The following BTBD8 variants were observed in gnomAD, a reference collection of about 807,000 sequenced individuals.
The protein encoded by BTBD8 is BTB/POZ domain-containing protein 8.
BTBD8 carries 110 observed loss-of-function variants against 162.9 expected under a neutral mutation model. The ratio of observed to expected loss-of-function variants is 0.68; its 90% CI spans 0.58 to 0.79. The LOEUF (loss-of-function observed/expected upper bound fraction) is 0.79. Ranked by LOEUF, BTBD8 falls within the 30% of genes least tolerant of loss-of-function variation. BTBD8 has a pLI of 0.00. For synonymous variants in BTBD8, 667 were observed against 716.1 expected, an observed-to-expected ratio of 0.93 and a Z score of 1.10; for missense variants, 1,905 against 2,085.4, an observed-to-expected ratio of 0.91 and a Z score of 1.68.
In BTBD8 at chr1:92,088,807, A is replaced by G. The variant is rs747794078; in HGVS notation, c.259A>G (p.Thr87Ala). The part of the protein sequence containing the change: ...LARVPDFYFH[T>A]IGQTSNSLTN... ...AAGAGTTCCTGACTTCTATTTTCAT[A>G]CTATTGGACAGACATCAAATAGTTT... is the stretch of plus-strand genomic sequence containing the variant. Residue 87 changes from threonine (T) to alanine (A), a missense_variant, in exon 2 of 18, where the codon ACT becomes GCT. Around this residue, in one of 3 missense-constraint regions of BTBD8, gnomAD observed 1,374 missense variants for 1,442.7 expected, o/e 0.95. Transcript: ENST00000636805. 38 of 1,613,270 alleles carry G rather than the reference A, an allele frequency of 2.4e-5. No homozygotes were observed. The South Asian group carries it at 4.0e-4, about 17-fold the overall frequency.
At chr1:92,123,992 G>A (rs539848400) in intron 4 of BTBD8, among the ~76,000 whole-genome samples, 4 of 152,018 alleles carry the variant, frequency 2.6e-5, no homozygotes, top group East Asian at 3.9e-4. Context: ...GAATGTGGCC[G>A]TTCGGGATCC....
At chr1:92,136,130 A>C (rs1416512262) in intron 5 of BTBD8, among the ~76,000 whole-genome samples, 1 of 152,180 alleles carries the variant, frequency 6.6e-6, no homozygotes, top group Non-Finnish European at 1.5e-5. Context: ...GGATCAGTAA[A>C]TATTTATTTA....
chr1:92,175,477 C>CAAAAAAAAAA lies in BTBD8; in HGVS notation c.1636-1339_1636-1330dup, dbSNP rs71091265. 7.2e-4 allele frequency among the ~76,000 whole-genome samples: 27 copies of CAAAAAAAAAA among 37,444 alleles called. 1 individual carries two copies. The highest frequency in any genetic ancestry group is 2.4e-3 in the East Asian group (2 of 818). The allele number at this position is 37,444 out of a possible 152,430, so 24.6% of individuals were successfully genotyped here. On this transcript the variant is annotated intron_variant, in intron 13 of 17. Transcript: ENST00000636805. ...CTGGCAACAGAGCAAGACTCCATCT[C>CAAAAAAAAAA]AAAAAAAAAAAAAAAAAAAAAAGAA...
At chr1:92,173,613 A>C (rs1170346120) in intron 13 of BTBD8, among the ~76,000 whole-genome samples, 2 of 152,152 alleles carry the variant, frequency 1.3e-5, no homozygotes, top group Non-Finnish European at 2.9e-5. Context: ...TTTTCTGTTA[A>C]GAACAATGGG....
chr1:92,148,907 C>T (rs1649985380), intron 9 of BTBD8, among the ~76,000 whole-genome samples: 1 of 152,144 alleles, frequency 6.6e-6, no homozygotes, highest in Admixed American at 6.5e-5. Context: ...ATGTAGAGAC[C>T]ATCTGGAATG....
Position 92,107,984 on chromosome 1 carries a change from A to G in BTBD8, c.645A>G (p.Lys215=). The G allele has an allele frequency of 6.2e-7, 1 of 1,613,516 alleles. No individual in the cohort carries two copies. Among genetic ancestry groups the G allele is most frequent in the Non-Finnish European group, 8.5e-7 (1 of 1,179,528 alleles). ...ATATTGATATTTTTGTTGATGGAAA[A>G]CGTTTTAAAGCTCACAGGTAAATAG... ...CPDIDIFVDG[K]RFKAHRAILS... is the part of the protein sequence containing the mutation. The change falls in exon 4 of 18, where the codon AAA becomes AAG. Residue 215 remains lysine (K), a synonymous_variant. Coordinates refer to ENST00000636805, the MANE Select transcript of BTBD8 (RefSeq NM_001376131.1).
intron 2 of BTBD8, among the ~76,000 whole-genome samples, chr1:92,090,641 G>GT: frequency 6.6e-6 from 1 of 152,132 alleles, no homozygotes; most frequent in South Asian, 2.1e-4. Context: ...AAATTCTTAT[G>GT]TAGTCAGGCC....
chr1:92,129,368 T>C, intron 4 of BTBD8, among the ~76,000 whole-genome samples: 1 of 152,032 alleles, frequency 6.6e-6, no homozygotes, highest in Non-Finnish European at 1.5e-5. Context: ...CCTGTAGTGT[T>C]AGCTTCTTGG....
intron 9 of BTBD8, chr1:92,150,847 G>T (rs892499913): frequency 2.6e-5 from 4 of 152,154 alleles, no homozygotes; most frequent in African/African-American, 9.7e-5. Context: ...ACAATGGCCT[G>T]GCCAGGAATC....
chr1:92,125,938 T>C (rs1649342041), intron 4 of BTBD8: 1 of 445,590 alleles, frequency 2.2e-6, no homozygotes, highest in African/African-American at 2.0e-5. Context: ...GAATTTGTTT[T>C]GATTTATGGA....
At chr1:92,083,059 C>A (rs191910556) in intron 1 of BTBD8, among the ~76,000 whole-genome samples, 1 of 150,912 alleles carries the variant, frequency 6.6e-6, no homozygotes, top group Non-Finnish European at 1.5e-5. Flanking sequence ...TTGTTTGAAC[C>A]GGGGAGGTGG....
intron 2 of BTBD8, among the ~76,000 whole-genome samples, chr1:92,092,770 G>T (rs1054724949): frequency 1.3e-5 from 2 of 152,130 alleles, no homozygotes; most frequent in Non-Finnish European, 2.9e-5. Context: ...ATGTCCTTAT[G>T]TATCTTTTAT....
chr1:92,128,456 T>C (rs1034876289), intron 4 of BTBD8, among the ~76,000 whole-genome samples: 6 of 152,158 alleles, frequency 3.9e-5, no homozygotes, highest in Admixed American at 6.5e-5. Flanking sequence ...TTTTTTGTGT[T>C]TTTGGTAGAG....
chr1:92,090,699 G>T (rs547132883), intron 2 of BTBD8, among the ~76,000 whole-genome samples: 2 of 152,316 alleles, frequency 1.3e-5, no homozygotes, highest in South Asian at 4.1e-4. Flanking sequence ...GGAGGCCGAG[G>T]TGGGCAGATC....
intron 2 of BTBD8, among the ~76,000 whole-genome samples, chr1:92,094,715 G>A (rs1246832853): frequency 6.6e-6 from 1 of 152,118 alleles, no homozygotes; most frequent in Non-Finnish European, 1.5e-5. Context: ...TTCAATTCAG[G>A]ATCATAAAAA....
intron 3 of BTBD8, among the ~76,000 whole-genome samples, chr1:92,107,578 C>T (rs1197290262): frequency 6.6e-6 from 1 of 152,142 alleles, no homozygotes; most frequent in Non-Finnish European, 1.5e-5. Flanking sequence ...TGTGAGTACA[C>T]TCTGTGATGT....
chr1:92,180,563 T>C lies in BTBD8; in HGVS notation c.2880T>C (p.His960=), dbSNP rs890689640. The change falls in exon 17 of 18, where the codon CAT becomes CAC. Residue 960 remains histidine (H), a synonymous_variant. Transcript: ENST00000636805. ...TQPSSQRPLK[H]ETSTVQKSMF... Reference sequence around the variant, plus strand: ...CTTCCTCCCAAAGACCTTTAAAACATGAAACATCTACTGTCCAAAAAAGTA... The same window carrying C: ...CTTCCTCCCAAAGACCTTTAAAACACGAAACATCTACTGTCCAAAAAAGTA... 1.8e-5 allele frequency: 28 copies of C among 1,551,522 alleles called. No individual in the cohort carries two copies. In the East Asian group the frequency reaches 6.6e-4, roughly 37 times the overall value.
intron 4 of BTBD8, chr1:92,125,633 C>T (rs1273740267): frequency 1.0e-5 from 3 of 290,300 alleles, no homozygotes; most frequent in Non-Finnish European, 2.0e-5. Context: ...GAAGATGCCA[C>T]ATCATATGTT....
At chr1:92,130,796 A>G (rs1649498420) in intron 5 of BTBD8, among the ~76,000 whole-genome samples, 2 of 152,056 alleles carry the variant, frequency 1.3e-5, no homozygotes, top group African/African-American at 4.8e-5. Flanking sequence ...GCTGCCTCCC[A>G]GGTTCAAGTG....
Sources: gnomAD v4.1 joint callset for allele counts (sites outside exome capture counted in the v4.1 genomes callset) on GRCh38, gnomAD v4.1.1 for gene constraint, gnomAD v4.1.1 regional missense constraint, MANE v1.5 for transcripts, NCBI Gene and HGNC (gene_info 2026-07-23, HGNC 2026-07-21) for gene names.